Variants in GRK4 observed in about 807,000 individuals in gnomAD.
GRK4 encodes G protein-coupled receptor kinase 2-like.
A neutral mutation model predicts 77.9 loss-of-function variants in GRK4; 73 were observed. The observed-to-expected ratio is 0.94, with a 90% CI of 0.78 to 1.14. The LOEUF (loss-of-function observed/expected upper bound fraction) is 1.14. GRK4 is among the 50% of genes most tolerant of loss of function. The probability of loss-of-function intolerance (pLI) is 0.00; values close to 1 mark genes in which losing one functional copy is unlikely to be tolerated. For missense variants in GRK4, 729 were observed against 700.2 expected (o/e 1.04, Z -0.46); for synonymous variants, 257 against 254.4 (o/e 1.01, Z -0.10).
rs1560490215 is a variant in GRK4 at position 3,027,974 on chromosome 4, G to C, written c.1033G>C (p.Gly345Arg). The C allele has an allele frequency of 6.2e-7, 1 of 1,614,188 alleles. No individual in the cohort carries two copies. The highest frequency in any genetic ancestry group is 8.5e-7 in the Non-Finnish European group (1 of 1,180,032). The change falls in exon 11 of 16, where the codon GGA (glycine) becomes CGA (arginine). Residue 345 changes from glycine to arginine, a missense_variant. Coordinates refer to ENST00000398052, the MANE Select transcript of GRK4 (RefSeq NM_182982.3). ...GATCCCAGAAGGACAGAGGGTTCGA[G>C]GAAGAGTTGGAACAGTCGGCTACAT... Reference protein sequence around the residue: ...TEIPEGQRVRGRVGTVGYMAP... With the variant: ...TEIPEGQRVRRRVGTVGYMAP...
intron 8 of GRK4, among the ~76,000 whole-genome samples, chr4:3,017,568 A>G (rs1734906622): frequency 6.6e-6 from 1 of 152,216 alleles, no homozygotes; most frequent in Non-Finnish European, 1.5e-5. Context: ...TTCAAGGGCC[A>G]GTGAGAATTC....
intron 6 of GRK4, among the ~76,000 whole-genome samples, chr4:3,008,594 G>C (rs1455789794): frequency 6.6e-6 from 1 of 152,132 alleles, no homozygotes; most frequent in Admixed American, 6.5e-5. Context: ...CCTGAGGTCA[G>C]CAGTTCAAGA....
intron 4 of GRK4, among the ~76,000 whole-genome samples, chr4:2,994,071 G>A (rs575003944): frequency 6.6e-6 from 1 of 152,266 alleles, no homozygotes; most frequent in East Asian, 1.9e-4. Flanking sequence ...AGACCCTAAT[G>A]AGTTTTCTAC....
At chr4:3,006,590 G>A (rs1731399154) in intron 5 of GRK4, among the ~76,000 whole-genome samples, 1 of 151,536 alleles carries the variant, frequency 6.6e-6, no homozygotes. Context: ...GACCAGCCTG[G>A]ACAACATGGT....
intron 3 of GRK4, among the ~76,000 whole-genome samples, chr4:2,990,246 C>CTTTTTTTTTTTTT (rs71644371): frequency 8.5e-5 from 6 of 70,716 alleles, no homozygotes; most frequent in Admixed American, 1.6e-4. Flanking sequence ...TCTTCTTCTT[C>CTTTTTTTTTTTTT]TTTTTTTTTT....
intron 6 of GRK4, 83 bp from the exon 7 acceptor site, chr4:3,009,565 C>A: frequency 2.0e-6 from 2 of 1,017,804 alleles, no homozygotes; most frequent in Non-Finnish European, 1.5e-6. Flanking sequence ...ATAAATGAGG[C>A]GAAGACAAGC....
rs137979610 is a variant in GRK4, at chr4:2,988,745, T to G, written c.167T>G (p.Leu56Arg). 1.9e-6 allele frequency: 3 copies of G among 1,609,692 alleles called. No individual in the cohort carries two copies. The South Asian group carries it at 3.3e-5, about 18-fold the overall frequency. Residue 56 changes from leucine (L) to arginine (R), a missense_variant, in exon 3 of 16, where the codon CTT (leucine) becomes CGT (arginine). By Grantham distance (102) the Leu-to-Arg change is moderately radical. Coordinates refer to ENST00000398052, the MANE Select transcript of GRK4 (RefSeq NM_182982.3). ...CACCCAGAAAAGGATTATAGCAGTC[T>G]TTGTGACAAGCAACCGATAGGAAGA... The part of the protein sequence containing the change: ...RHSIEKDYSS[L>R]CDKQPIGRRL...
chr4:2,977,729 C>A (rs867475114), intron 1 of GRK4, among the ~76,000 whole-genome samples: 2 of 151,790 alleles, frequency 1.3e-5, no homozygotes, highest in Admixed American at 6.6e-5. Context: ...AACAAAGAAG[C>A]GAGAGAGCAC....
At chr4:2,985,216 C>T (rs1433321686) in intron 2 of GRK4, among the ~76,000 whole-genome samples, 5 of 150,528 alleles carry the variant, frequency 3.3e-5, no homozygotes, top group South Asian at 2.1e-4. Flanking sequence ...ATCGAGACCA[C>T]GGTGAAACCC....
intron 4 of GRK4, among the ~76,000 whole-genome samples, chr4:2,996,179 C>CATGTGG (rs1337796330): frequency 6.6e-6 from 1 of 152,060 alleles, no homozygotes; most frequent in African/African-American, 2.4e-5. Flanking sequence ...CATGTCTGAG[C>CATGTGG]ATGTGGACAC....
At chr4:2,988,637 G>T (rs748563038) in intron 2 of GRK4, 90 bp from the exon 3 acceptor site, 3 of 708,082 alleles carry the variant, frequency 4.2e-6, no homozygotes, top group Non-Finnish European at 5.1e-6. Flanking sequence ...GACTTTTACT[G>T]TATCGAGTGA....
chr4:3,012,083 C>T (rs1158313172), intron 7 of GRK4, among the ~76,000 whole-genome samples: 3 of 152,248 alleles, frequency 2.0e-5, no homozygotes, highest in Non-Finnish European at 2.9e-5. Context: ...ACCCAGCTCT[C>T]AGCACAGTGC....
At chr4:2,971,964 C>T (rs918164725) in intron 1 of GRK4, among the ~76,000 whole-genome samples, 9 of 152,182 alleles carry the variant, frequency 5.9e-5, no homozygotes, top group African/African-American at 2.2e-4. Context: ...ACTTAATTGT[C>T]TCTATAAATA....
At chr4:3,016,474 C>G (rs1734525064) in intron 8 of GRK4, among the ~76,000 whole-genome samples, 1 of 150,162 alleles carries the variant, frequency 6.7e-6, no homozygotes, top group African/African-American at 2.5e-5. Flanking sequence ...GCCCAGATTG[C>G]GCCATTGTAC....
chr4:2,984,605 A>G lies in GRK4; in HGVS notation c.145A>G (p.Ile49Val). ...VSQCSELRHS[I>V]EKDYSSLCDK... ...CCAGTGCAGTGAGCTTAGACATTCC[A>G]TTGGTGAGTAAATAGTGCCTACTAA... The change falls in exon 2 of 16, where the codon ATT becomes GTT. Residue 49 changes from isoleucine to valine, a missense_variant. By Grantham distance (29) the Ile-to-Val change is conservative (BLOSUM62 3). Transcript: ENST00000398052. 6.3e-7 allele frequency: 1 copy of G among 1,580,372 alleles called. No individual in the cohort carries two copies. The highest frequency in any genetic ancestry group is 8.7e-7 in the Non-Finnish European group (1 of 1,152,598).
intron 10 of GRK4, 79 bp from the exon 11 acceptor site, chr4:3,027,833 C>T (rs1232911048): frequency 2.8e-5 from 31 of 1,127,146 alleles, no homozygotes; most frequent in Non-Finnish European, 3.6e-5. Context: ...TTTTGAGGGG[C>T]CTTTTTTCCC....
At chr4:3,022,084 TA>T (rs1422240345) in intron 9 of GRK4, among the ~76,000 whole-genome samples, 3 of 152,184 alleles carry the variant, frequency 2.0e-5, no homozygotes, top group African/African-American at 7.2e-5. Flanking sequence ...TTGAAACACT[TA>T]AAAATATGTT....
At position 3,029,330 on chromosome 4, in the gene GRK4, A is replaced by G; in HGVS notation, c.1190A>G (p.Glu397Gly). The change falls in exon 12 of 16, where the codon GAG becomes GGG. Residue 397 changes from glutamate to glycine, a missense_variant. Physicochemically the swap from Glu to Gly is moderately conservative, Grantham distance 98 (BLOSUM62 -2). Coordinates refer to ENST00000398052, the MANE Select transcript of GRK4 (RefSeq NM_182982.3). ...KKYKEKVKWE[E>G]VDQRIKNDTE... ...TACAAAGAGAAAGTCAAATGGGAGG[A>G]GGTCGATCAAAGAATCAAGAATGAT... The G allele has an allele frequency of 6.2e-7, 1 of 1,614,152 alleles. No homozygotes were observed. The highest frequency in any genetic ancestry group is 1.1e-5 in the South Asian group (1 of 91,082).
intron 1 of GRK4, among the ~76,000 whole-genome samples, chr4:2,982,028 C>T (rs963251154): frequency 1.1e-4 from 17 of 152,358 alleles, no homozygotes; most frequent in African/African-American, 3.6e-4. Context: ...GATCCAAAAT[C>T]GGAGCAGGTG....
Sources: allele counts gnomAD v4.1 joint callset (sites outside exome capture counted in the v4.1 genomes callset), GRCh38; gene constraint gnomAD v4.1.1; transcripts MANE v1.5; gene names NCBI Gene and HGNC (gene_info 2026-07-23, HGNC 2026-07-21).